Variants in UNC79 observed in about 807,000 individuals in gnomAD.
UNC79 encodes the protein unc-79 subunit of NALCN channel complex, also known as protein unc-79 homolog.
A neutral mutation model predicts 283.1 loss-of-function variants in UNC79; 37 were observed. The observed-to-expected ratio is 0.13, with a 90% CI of 0.10 to 0.17. The LOEUF is 0.17. Among genes scored for constraint, UNC79 ranks in the 10% least tolerant of loss-of-function variants. UNC79 has a pLI of 1.00. For synonymous variants in UNC79, 1,107 were observed against 1,200.2 expected, an observed-to-expected ratio of 0.92 and a Z score of 1.61; for missense variants, 2,272 against 3,211.1, an observed-to-expected ratio of 0.71 and a Z score of 7.07.
Position 93,561,488 on chromosome 14 carries a change from C to G in UNC79, c.1756-10406C>G, listed in dbSNP as rs1052156395. Among the ~76,000 whole-genome samples, 24 of 151,696 alleles carry G rather than the reference C, an allele frequency of 1.6e-4. 1 individual carries two copies. Among genetic ancestry groups the G allele is most frequent in the Non-Finnish European group, 1.2e-4 (8 of 67,934 alleles). ...TAGGGAGACAGGAGATGTTTCCCAG[C>G]CTGTATATAAGACGGGGGCAGCTGT... is the stretch of plus-strand genomic sequence containing the variant. On this transcript the variant is annotated intron_variant, in intron 14 of 48. Transcript: ENST00000555664.
At chr14:93,509,910 A>G (rs1171159668) in intron 7 of UNC79, among the ~76,000 whole-genome samples, 1 of 152,212 alleles carries the variant, frequency 6.6e-6, no homozygotes, top group Non-Finnish European at 1.5e-5. Context: ...GTATTGCCCT[A>G]GTAGAGGTTC....
chr14:93,623,661 G>A (rs945160029), intron 30 of UNC79, among the ~76,000 whole-genome samples: 10 of 152,244 alleles, frequency 6.6e-5, no homozygotes, highest in African/African-American at 2.4e-4. Context: ...TTGGGAGGCT[G>A]AGGCGGGCAG....
chr14:93,586,695 T>C lies in UNC79; in HGVS notation c.2883+20T>C, dbSNP rs2064245241. The C allele has an allele frequency of 6.2e-7, 1 of 1,613,280 alleles. No individual in the cohort carries two copies. The highest frequency in any genetic ancestry group is 1.1e-5 in the South Asian group (1 of 90,760). ...TTCCAGGTATATTTTCTGATGTCTTTGAATACTTGGCTTGGTAGCATTACT... is the reference window on the plus strand; with the variant it reads ...TTCCAGGTATATTTTCTGATGTCTTCGAATACTTGGCTTGGTAGCATTACT... On this transcript the variant is annotated intron_variant, in intron 21 of 48. Coordinates refer to ENST00000555664, the Ensembl canonical transcript of UNC79.
At chr14:93,517,141 A>T (rs1031225082) in intron 7 of UNC79, among the ~76,000 whole-genome samples, 2 of 142,780 alleles carry the variant, frequency 1.4e-5, no homozygotes, top group Admixed American at 6.8e-5. Context: ...TTTTCTTTCT[A>T]ATTTGTATGC....
intron 40 of UNC79, among the ~76,000 whole-genome samples, chr14:93,669,341 T>A (rs752933843): frequency 1.3e-5 from 2 of 152,146 alleles, no homozygotes; most frequent in Non-Finnish European, 1.5e-5. Context: ...AGCCCAGATA[T>A]TCAGAGGTGT....
At chr14:93,503,743 T>C (rs2059404396) in intron 7 of UNC79, among the ~76,000 whole-genome samples, 1 of 151,794 alleles carries the variant, frequency 6.6e-6, no homozygotes, top group Non-Finnish European at 1.5e-5. Flanking sequence ...AAATATCTTG[T>C]TTTTTTATTT....
intron 1 of UNC79, among the ~76,000 whole-genome samples, chr14:93,339,441 A>G: frequency 6.6e-6 from 1 of 152,110 alleles, no homozygotes; most frequent in Non-Finnish European, 1.5e-5. Flanking sequence ...CTGGGACTAC[A>G]GGTGCCTGCC....
chr14:93,579,019 G>A (rs1295780526), intron 18 of UNC79, among the ~76,000 whole-genome samples: 1 of 151,796 alleles, frequency 6.6e-6, no homozygotes, highest in Admixed American at 6.6e-5. Context: ...TATACTTATG[G>A]GGCCTTGACA....
chr14:93,341,389 A>C (rs1197334493), intron 1 of UNC79, among the ~76,000 whole-genome samples: 10 of 152,068 alleles, frequency 6.6e-5, no homozygotes. Context: ...CTTGGGAGGC[A>C]GAGGTTGTAG....
chr14:93,501,934 T>C (rs1045497651), intron 7 of UNC79, among the ~76,000 whole-genome samples: 15 of 152,240 alleles, frequency 9.9e-5, no homozygotes, highest in Admixed American at 2.6e-4. Context: ...TAATTCACCA[T>C]AATTTTAACT....
exon 30 of UNC79, chr14:93,622,816 C>T (rs751230629): frequency 8.7e-6 from 14 of 1,613,724 alleles, no homozygotes; most frequent in African/African-American, 1.3e-5. Context: ...ACATTCTGGA[C>T]AAACTGGGAG....
At chr14:93,658,064 C>G (rs2071147846) in intron 38 of UNC79, among the ~76,000 whole-genome samples, 1 of 152,198 alleles carries the variant, frequency 6.6e-6, no homozygotes, top group African/African-American at 2.4e-5. Flanking sequence ...GAGTGTCGAG[C>G]AGATTAAATA....
At chr14:93,566,119 A>T (rs1037529984) in intron 14 of UNC79, among the ~76,000 whole-genome samples, 13 of 152,216 alleles carry the variant, frequency 8.5e-5, no homozygotes, top group Non-Finnish European at 1.9e-4. Flanking sequence ...ACAGCTGCCC[A>T]TCAGCTGCAG....
rs903224146 is a variant in UNC79, at chr14:93,419,647, A to G, written c.-350-48024A>G. Among the ~76,000 whole-genome samples, 4 of 151,878 alleles carry G rather than the reference A, an allele frequency of 2.6e-5. No individual in the cohort carries two copies. The East Asian group carries it at 5.8e-4, about 22-fold the overall frequency. Reference sequence around the variant, plus strand: ...TTTGCTTATTTGTTTACTTACGCACACAGTGTTAAGTTGTTATCAGCTTAA... The same window carrying G: ...TTTGCTTATTTGTTTACTTACGCACGCAGTGTTAAGTTGTTATCAGCTTAA... On this transcript the variant is annotated intron_variant, in intron 1 of 49. Transcript: ENST00000256339.
exon 12 of UNC79, chr14:93,538,190 C>T: frequency 6.2e-7 from 1 of 1,606,452 alleles, no homozygotes; most frequent in South Asian, 1.1e-5. Flanking sequence ...CGCTGAGGAG[C>T]TGGTCTGCGC....
intron 14 of UNC79, among the ~76,000 whole-genome samples, chr14:93,559,588 G>C (rs2062415200): frequency 6.6e-6 from 1 of 152,086 alleles, no homozygotes; most frequent in African/African-American, 2.4e-5. Context: ...GCAGGGGTGG[G>C]GGTCACAAGG....
chr14:93,669,522 C>G (rs930257328), intron 40 of UNC79, among the ~76,000 whole-genome samples: 3 of 152,190 alleles, frequency 2.0e-5, no homozygotes, highest in African/African-American at 7.2e-5. Flanking sequence ...ACATTTTTGG[C>G]TTTACATTTT....
rs768806633 is a variant in UNC79, at chr14:93,365,346, C to G, written c.-351+31823C>G. ...GTTGGCGTGAGCCGAGATTGTGCCA[C>G]TGCACTCCAGCCTGGGTGACACAGT... is the stretch of plus-strand genomic sequence containing the variant. On this transcript the variant is annotated intron_variant, in intron 1 of 49. Transcript: ENST00000256339. Among the ~76,000 whole-genome samples the G allele has an allele frequency of 2.9e-5, 4 of 139,428 alleles. No homozygotes were observed. The South Asian group carries it at 9.0e-4, about 32-fold the overall frequency. 91.5% of individuals were successfully genotyped at this position (139,428 alleles called of 152,430 possible). A position where few individuals can be genotyped will look rare whatever the true frequency, so the allele number is the denominator to read the frequency against.
At chr14:93,435,179 T>C (rs1201143457) in intron 1 of UNC79, among the ~76,000 whole-genome samples, 1 of 152,364 alleles carries the variant, frequency 6.6e-6, no homozygotes, top group Non-Finnish European at 1.5e-5. Context: ...AAACTTCTTA[T>C]AGAGGAAACT....
Sources: gnomAD v4.1 joint callset for allele counts (sites outside exome capture counted in the v4.1 genomes callset) on GRCh38, gnomAD v4.1.1 for gene constraint, MANE v1.5 for transcripts, NCBI Gene and HGNC (gene_info 2026-07-23, HGNC 2026-07-21) for gene names.